Variants in VPS13D observed in about 807,000 individuals in gnomAD.
VPS13D encodes the protein vacuolar protein sorting 13 homolog D.
In VPS13D, 187 loss-of-function variants were observed where a neutral mutation model predicts 461.9. That is an observed-to-expected ratio of 0.40 (90% confidence interval 0.36 to 0.46). VPS13D has a LOEUF of 0.46. VPS13D is among the 20% of genes least tolerant of loss of function. The pLI, the probability that VPS13D is intolerant of heterozygous loss-of-function variation, is 0.60. For missense variants in VPS13D, 4,711 were observed against 5,364.9 expected (o/e 0.88, Z 3.81); for synonymous variants, 1,951 against 1,986.3 (o/e 0.98, Z 0.47).
At chr1:12,427,701 G>C (rs1274558901) in intron 65 of VPS13D, among the ~76,000 whole-genome samples, 1 of 152,186 alleles carries the variant, frequency 6.6e-6, no homozygotes, top group African/African-American at 2.4e-5. Context: ...CAGCGTCTGT[G>C]GATGGATGGT....
chr1:12,360,085 T>A (rs1643927415), intron 50 of VPS13D, among the ~76,000 whole-genome samples: 1 of 152,188 alleles, frequency 6.6e-6, no homozygotes, highest in South Asian at 2.1e-4. Flanking sequence ...ACATATGCAG[T>A]GATTACCCAT....
At chr1:12,278,980 CT>C (rs1248356340) in intron 19 of VPS13D, among the ~76,000 whole-genome samples, 2 of 152,150 alleles carry the variant, frequency 1.3e-5, no homozygotes, top group African/African-American at 4.8e-5. Context: ...AGAACTTACC[CT>C]TCTGTGGTCA....
At chr1:12,249,515 A>G (rs1468248861) in intron 6 of VPS13D, 176 bp downstream of exon 6, 1 of 485,200 alleles carries the variant, frequency 2.1e-6, no homozygotes. Flanking sequence ...GAAATAGGGA[A>G]ACAGGTAATT....
At chr1:12,274,339 C>T (rs1015742149) in intron 18 of VPS13D, among the ~76,000 whole-genome samples, 5 of 152,166 alleles carry the variant, frequency 3.3e-5, no homozygotes, top group Non-Finnish European at 7.4e-5. Context: ...CGCACCTGGC[C>T]AATTTTTTGT....
At chr1:12,436,660 G>GT (rs1002709040) in intron 65 of VPS13D, among the ~76,000 whole-genome samples, 27 of 151,774 alleles carry the variant, frequency 1.8e-4, no homozygotes, top group East Asian at 5.8e-4. Context: ...TTTTTTGCAA[G>GT]TTTTTTTTTG....
At chr1:12,310,789 T>TTCCTTCCC (rs1412478859) in intron 27 of VPS13D, among the ~76,000 whole-genome samples, 1 of 144,886 alleles carries the variant, frequency 6.9e-6, no homozygotes, top group Non-Finnish European at 1.5e-5. Context: ...CCTTCCTTCC[T>TTCCTTCCC]TCCTTCCCTC....
At chr1:12,487,885 G>C (rs1015465760) in intron 67 of VPS13D, among the ~76,000 whole-genome samples, 2 of 152,224 alleles carry the variant, frequency 1.3e-5, no homozygotes, top group African/African-American at 4.8e-5. Context: ...CCTGCTGTGA[G>C]TTTTATTAAT....
chr1:12,279,471 G>A lies in VPS13D; in HGVS notation c.4451-28G>A, dbSNP rs765004178. Reference sequence around the variant, plus strand: ...AATGAAGTAAATATTAAGGTTTATGGTCTATCATTTCATCTCTTTTATGCC... The same window carrying A: ...AATGAAGTAAATATTAAGGTTTATGATCTATCATTTCATCTCTTTTATGCC... On this transcript the variant is annotated intron_variant, in intron 19 of 69. Transcript: ENST00000620676. The surrounding 1 kb of genome is among the most constrained non-coding windows in gnomAD (Gnocchi z 4.3). 3 of 1,574,412 alleles carry A rather than the reference G, an allele frequency of 1.9e-6. No homozygotes were observed. Among genetic ancestry groups the A allele is most frequent in the South Asian group, 2.3e-5 (2 of 86,064 alleles).
chr1:12,483,469 T>C (rs1297294903), intron 67 of VPS13D, among the ~76,000 whole-genome samples: 1 of 152,186 alleles, frequency 6.6e-6, no homozygotes, highest in East Asian at 1.9e-4. Flanking sequence ...AGGTCAGAAT[T>C]TGTCTTTTTA....
intron 20 of VPS13D, among the ~76,000 whole-genome samples, chr1:12,281,883 C>T (rs989801731): frequency 6.6e-6 from 1 of 151,752 alleles, no homozygotes; most frequent in African/African-American, 2.4e-5. Context: ...AAAAACTTGC[C>T]TGAAAATTTT....
chr1:12,362,370 A>C (rs899219643), intron 50 of VPS13D, among the ~76,000 whole-genome samples: 1 of 152,206 alleles, frequency 6.6e-6, no homozygotes, highest in Non-Finnish European at 1.5e-5. Flanking sequence ...GTATCATGTG[A>C]AACTGTTGTA....
intron 30 of VPS13D, among the ~76,000 whole-genome samples, chr1:12,317,137 T>C (rs1642910194): frequency 6.6e-6 from 1 of 151,928 alleles, no homozygotes; most frequent in Admixed American, 6.6e-5. Context: ...CTAGTACTAG[T>C]GTGTGTAAAC....
Position 12,509,284 on chromosome 1 carries a change from A to G in VPS13D, c.*260A>G. 1 of 425,794 alleles carries G rather than the reference A, an allele frequency of 2.3e-6. No individual in the cohort carries two copies. Among genetic ancestry groups the G allele is most frequent in the Non-Finnish European group, 4.2e-6 (1 of 240,840 alleles). The allele number at this position is 425,794 out of a possible 1,614,324, so 26.4% of individuals were successfully genotyped here. A position where few individuals can be genotyped will look rare whatever the true frequency, so the allele number is the denominator to read the frequency against. On this transcript the variant is annotated 3_prime_UTR_variant, in exon 70 of 70. Coordinates refer to ENST00000620676, the MANE Select transcript of VPS13D (RefSeq NM_015378.4). ...ACGTTTAAAAACATGTACTGAGATG[A>G]ATCTAATTTTTAGATTGCCCTGTAT... is the stretch of plus-strand genomic sequence containing the variant.
At position 12,504,399 on chromosome 1, in the gene VPS13D, A is replaced by G. The variant is rs559291277; in HGVS notation, c.12795-2454A>G. ...AGAACATTTCATGCACAATTTCCAG[A>G]AATATGTTATTATCAGTAGCAGCTT... On this transcript the variant is annotated intron_variant, in intron 68 of 69. Transcript: ENST00000620676. 5.9e-5 allele frequency among the ~76,000 whole-genome samples: 9 copies of G among 152,238 alleles called. No individual in the cohort carries two copies. In the South Asian group the frequency reaches 1.9e-3, roughly 32 times the overall value.
At chr1:12,333,098 G>A (rs901883879) in intron 37 of VPS13D, 128 bp from the exon 38 acceptor site, 87 of 1,143,874 alleles carry the variant, frequency 7.6e-5, no homozygotes, top group Middle Eastern at 3.0e-4. Flanking sequence ...TGCTTTTGTT[G>A]TGAAATTGAA....
chr1:12,425,726 A>G (rs1042225076), intron 65 of VPS13D, among the ~76,000 whole-genome samples: 8 of 141,340 alleles, frequency 5.7e-5, no homozygotes, highest in African/African-American at 2.0e-4. Flanking sequence ...GGAGGGAGGG[A>G]GGGAAGGAGG....
At chr1:12,351,081 A>G (rs541985035) in intron 46 of VPS13D, among the ~76,000 whole-genome samples, 22 of 152,360 alleles carry the variant, frequency 1.4e-4, no homozygotes, top group African/African-American at 5.0e-4. Flanking sequence ...ATAGGCCCAT[A>G]TAACATTACT....
At chr1:12,460,974 G>A (rs12137084) in intron 67 of VPS13D, among the ~76,000 whole-genome samples, 4,276 of 152,258 alleles carry the variant, frequency 0.028, 87 homozygotes, top group Non-Finnish European at 0.045. Flanking sequence ...TTCTGCTGTG[G>A]GATTGCTGTC....
At chr1:12,259,453 G>A (rs1460503950) in intron 10 of VPS13D, among the ~76,000 whole-genome samples, 1 of 151,480 alleles carries the variant, frequency 6.6e-6, no homozygotes, top group Non-Finnish European at 1.5e-5. Context: ...GTAGCTGCAC[G>A]TCACCATGCC....
Sources: gnomAD v4.1 joint callset for allele counts (sites outside exome capture counted in the v4.1 genomes callset) on GRCh38, gnomAD v4.1.1 for gene constraint, Gnocchi (gnomAD v3.1) non-coding constraint, MANE v1.5 for transcripts, NCBI Gene and HGNC (gene_info 2026-07-23, HGNC 2026-07-21) for gene names.